FHIT: variants seen among roughly 807,000 people sequenced by gnomAD.
The protein encoded by FHIT is bis(5'-adenosyl)-triphosphatase.
FHIT carries 19 observed loss-of-function variants against 17.9 expected under a neutral mutation model. The ratio of observed to expected loss-of-function variants is 1.06; its 90% CI spans 0.74 to 1.56. FHIT has a LOEUF of 1.56. Ranked by LOEUF, FHIT falls within the 40% of genes most tolerant of loss-of-function variation. FHIT has a pLI of 0.00. For missense variants in FHIT, 248 were observed against 189.2 expected (o/e 1.31, Z -1.82); for synonymous variants, 81 against 69.7 (o/e 1.16, Z -0.81).
intron 5 of FHIT, among the ~76,000 whole-genome samples, chr3:60,125,493 G>A (rs1309380604): frequency 1.3e-5 from 2 of 151,938 alleles, no homozygotes; most frequent in Non-Finnish European, 2.9e-5. Flanking sequence ...TAAGCCAGGT[G>A]TGGTGGTGCA....
In FHIT at chr3:59,967,894, G is replaced by A. The variant is rs145850943; in HGVS notation, c.279+43477C>T. Among the ~76,000 whole-genome samples, 471 of 152,064 alleles carry A rather than the reference G, an allele frequency of 3.1e-3. 2 individuals carry two copies. The highest frequency in any genetic ancestry group is 0.011 in the African/African-American group (445 of 41,488). On this transcript the variant is annotated intron_variant, in intron 7 of 9. Transcript: ENST00000492590. ...TAAGAAACATAAAAGAAAAAAGAAT[G>A]GAGAAAAGATATCTTAGAAAATGGA... is the stretch of plus-strand genomic sequence containing the variant.
intron 4 of FHIT, among the ~76,000 whole-genome samples, chr3:60,546,940 G>A (rs775811941): frequency 6.6e-6 from 1 of 151,928 alleles, no homozygotes; most frequent in Non-Finnish European, 1.5e-5. Flanking sequence ...CCCCATATAT[G>A]CTGCTAGTAC....
intron 4 of FHIT, among the ~76,000 whole-genome samples, chr3:60,556,206 G>A (rs1158017983): frequency 6.6e-6 from 1 of 152,170 alleles, no homozygotes; most frequent in Non-Finnish European, 1.5e-5. Context: ...CACTCCCGCA[G>A]TAGTCAGCAT....
intron 5 of FHIT, among the ~76,000 whole-genome samples, chr3:60,364,423 C>G (rs964102657): frequency 6.6e-6 from 1 of 152,236 alleles, no homozygotes; most frequent in Non-Finnish European, 1.5e-5. Flanking sequence ...ACAACTTAGA[C>G]AATACATTAT....
intron 2 of FHIT, among the ~76,000 whole-genome samples, chr3:61,157,501 C>CA (rs1382247976): frequency 6.6e-6 from 1 of 152,110 alleles, no homozygotes; most frequent in African/African-American, 2.4e-5. Flanking sequence ...GAAAGTACCC[C>CA]AGAGGAACCT....
intron 3 of FHIT, among the ~76,000 whole-genome samples, chr3:60,825,583 A>G (rs1328736958): frequency 6.6e-6 from 1 of 152,004 alleles, no homozygotes; most frequent in Non-Finnish European, 1.5e-5. Context: ...CCTGAGCTCC[A>G]CCTCCTGTCA....
chr3:59,886,136 C>T (rs187917811), intron 8 of FHIT: 33 of 152,284 alleles, frequency 2.2e-4, no homozygotes, highest in African/African-American at 6.5e-4. Flanking sequence ...ACAATTTCTA[C>T]CAAATGAAGA....
chr3:59,881,789 T>C (rs998194337), intron 8 of FHIT, among the ~76,000 whole-genome samples: 2 of 152,212 alleles, frequency 1.3e-5, no homozygotes, highest in South Asian at 2.1e-4. Flanking sequence ...GGTCTAAAGA[T>C]ATTTGCTTTG....
At chr3:60,508,995 G>T (rs930027977) in intron 5 of FHIT, among the ~76,000 whole-genome samples, 1 of 152,118 alleles carries the variant, frequency 6.6e-6, no homozygotes, top group African/African-American at 2.4e-5. Context: ...GACCCACATA[G>T]TACATATCTG....
chr3:60,806,759 C>A (rs1488537999), intron 4 of FHIT, among the ~76,000 whole-genome samples: 1 of 152,178 alleles, frequency 6.6e-6, no homozygotes, highest in Non-Finnish European at 1.5e-5. Flanking sequence ...CATGATATGG[C>A]ACACGTAGCA....
chr3:60,237,756 C>G (rs1284561590), intron 5 of FHIT, among the ~76,000 whole-genome samples: 1 of 152,112 alleles, frequency 6.6e-6, no homozygotes, highest in Admixed American at 6.5e-5. Flanking sequence ...CTGAAGATGT[C>G]TCTACCTATT....
intron 5 of FHIT, among the ~76,000 whole-genome samples, chr3:60,344,472 T>C (rs928849050): frequency 6.6e-6 from 1 of 152,188 alleles, no homozygotes; most frequent in African/African-American, 2.4e-5. Context: ...GAAAAGTCAC[T>C]CGTGTCAGTA....
chr3:61,135,202 T>A (rs375810980), intron 2 of FHIT, among the ~76,000 whole-genome samples: 2 of 152,186 alleles, frequency 1.3e-5, no homozygotes, highest in East Asian at 3.9e-4. Flanking sequence ...AAAAAAAGAA[T>A]GCTAAGAGAA....
At chr3:60,386,366 GAAC>G (rs1559873246) in intron 5 of FHIT, among the ~76,000 whole-genome samples, 1 of 152,174 alleles carries the variant, frequency 6.6e-6, no homozygotes, top group Non-Finnish European at 1.5e-5. Context: ...CAAGGACTTA[GAAC>G]AACATGAAAC....
chr3:60,894,022 T>C (rs1562521), intron 3 of FHIT, among the ~76,000 whole-genome samples: 81,841 of 152,100 alleles, frequency 0.54, 25,238 homozygotes, highest in East Asian at 0.9. Flanking sequence ...AATCTGGCCT[T>C]CCCTGAAATC....
intron 3 of FHIT, among the ~76,000 whole-genome samples, chr3:60,870,006 G>A (rs1391793924): frequency 1.3e-5 from 2 of 152,032 alleles, no homozygotes; most frequent in African/African-American, 4.8e-5. Flanking sequence ...TCCTTATAAA[G>A]ACTTGCAATA....
intron 5 of FHIT, among the ~76,000 whole-genome samples, chr3:60,099,524 C>G (rs1704104827): frequency 6.6e-6 from 1 of 152,128 alleles, no homozygotes; most frequent in African/African-American, 2.4e-5. Context: ...CTCTATGCCT[C>G]TAATGGTCCT....
chr3:60,503,763 A>C lies in FHIT; in HGVS notation c.103+33097T>G, dbSNP rs982795782. ...AGGGATATCATACTATATGTAGAGT[A>C]GTGTTGTGTTCTAGTTTTATCTAAA... On this transcript the variant is annotated intron_variant, in intron 5 of 9. Transcript: ENST00000492590. Among the ~76,000 whole-genome samples the C allele has an allele frequency of 2.0e-5, 3 of 152,220 alleles. No homozygotes were observed. In the South Asian group the frequency reaches 6.2e-4, roughly 31 times the overall value.
intron 4 of FHIT, among the ~76,000 whole-genome samples, chr3:60,602,249 G>T (rs1248239462): frequency 6.6e-6 from 1 of 152,090 alleles, no homozygotes; most frequent in Non-Finnish European, 1.5e-5. Context: ...ACACATCAAG[G>T]ATAAAACTAG....
Sources: gnomAD v4.1 joint callset for allele counts (sites outside exome capture counted in the v4.1 genomes callset) on GRCh38, gnomAD v4.1.1 for gene constraint, MANE v1.5 for transcripts, NCBI Gene and HGNC (gene_info 2026-07-23, HGNC 2026-07-21) for gene names.